The following FBXL20 variants were observed in gnomAD, a reference collection of about 807,000 sequenced individuals.
FBXL20 encodes F-box/LRR-repeat protein 20.
Under a neutral mutation model 64.0 loss-of-function variants are expected in FBXL20, and 11 were observed. That is an observed-to-expected ratio of 0.17 (90% CI 0.11 to 0.28). The LOEUF (loss-of-function observed/expected upper bound fraction) is 0.28. Ranked by LOEUF, FBXL20 falls within the 10% of genes least tolerant of loss-of-function variation. The probability of loss-of-function intolerance (pLI) is 1.00; values close to 1 mark genes in which losing one functional copy is unlikely to be tolerated. For missense variants in FBXL20, 303 were observed against 526.2 expected, an observed-to-expected ratio of 0.58 and a Z score of 4.15; for synonymous variants, 184 against 189.0, an observed-to-expected ratio of 0.97 and a Z score of 0.22.
At chr17:39,360,192 T>C (rs1249805078) in intron 1 of FBXL20, among the ~76,000 whole-genome samples, 1 of 152,068 alleles carries the variant, frequency 6.6e-6, no homozygotes, top group Non-Finnish European at 1.5e-5. Context: ...GTGAAATTCA[T>C]AAGAGAAAGG....
intron 2 of FBXL20, among the ~76,000 whole-genome samples, chr17:39,322,163 C>CAAA (rs761771926): frequency 1.3e-4 from 7 of 52,536 alleles, no homozygotes; most frequent in East Asian, 1.2e-3. Context: ...CTATCTCTAC[C>CAAA]AAAAAAAAAA....
Position 39,265,425 on chromosome 17 carries a change from G to C in FBXL20, c.962C>G (p.Ser321Cys). The C allele has an allele frequency of 6.2e-7, 1 of 1,611,814 alleles. No individual in the cohort carries two copies. The highest frequency in any genetic ancestry group is 8.5e-7 in the Non-Finnish European group (1 of 1,178,062). The change falls in exon 13 of 15, where the codon TCT becomes TGT. Residue 321 changes from serine (S) to cysteine (C), a missense_variant. Ser to Cys is a moderately radical substitution (Grantham distance 112). This residue lies in a region of FBXL20 where 246 missense variants were observed against 422.6 expected (regional missense o/e 0.58). Transcript: ENST00000264658. ...QITDSTLIQLSIHCPRLQVLS... is the reference protein window; with the variant it reads ...QITDSTLIQLCIHCPRLQVLS... ...TACTTGAAGTCGAGGACAGTGTATA[G>C]AAAGTTGGATTAATGTGCTATCTGT...
chr17:39,308,875 A>C (rs1202916945), intron 2 of FBXL20, among the ~76,000 whole-genome samples: 1 of 151,972 alleles, frequency 6.6e-6, no homozygotes, highest in African/African-American at 2.4e-5. Context: ...TACAATAAAA[A>C]ATTTTTTAAA....
chr17:39,293,376 C>T (rs1215831813), intron 6 of FBXL20, among the ~76,000 whole-genome samples: 1 of 150,730 alleles, frequency 6.6e-6, no homozygotes, highest in Non-Finnish European at 1.5e-5. Flanking sequence ...CACATGCTAC[C>T]ACGGCCTGGC....
chr17:39,398,269 G>A (rs1334985215), intron 1 of FBXL20, among the ~76,000 whole-genome samples: 2 of 152,034 alleles, frequency 1.3e-5, no homozygotes, highest in Admixed American at 6.6e-5. Flanking sequence ...ACAAGGGCAA[G>A]ATTTCATCTC....
At chr17:39,336,163 C>A (rs2047520148) in intron 2 of FBXL20, among the ~76,000 whole-genome samples, 1 of 151,954 alleles carries the variant, frequency 6.6e-6, no homozygotes, top group South Asian at 2.1e-4. Context: ...AATAGAGGAA[C>A]CAAGAACATT....
chr17:39,398,341 A>G (rs1050359393), intron 1 of FBXL20, among the ~76,000 whole-genome samples: 1 of 152,176 alleles, frequency 6.6e-6, no homozygotes, highest in Non-Finnish European at 1.5e-5. Context: ...GAGGTAAAAC[A>G]TCTGGCTCAG....
At chr17:39,377,564 G>C (rs1366507786) in intron 1 of FBXL20, among the ~76,000 whole-genome samples, 2 of 150,938 alleles carry the variant, frequency 1.3e-5, no homozygotes, top group Non-Finnish European at 2.9e-5. Flanking sequence ...GCAGTGGCGC[G>C]ATCTAGGCTC....
chr17:39,360,019 T>C, intron 1 of FBXL20, among the ~76,000 whole-genome samples: 1 of 152,262 alleles, frequency 6.6e-6, no homozygotes, highest in Middle Eastern at 3.4e-3. Flanking sequence ...ATATTAAAAT[T>C]ATGTTGTTTT....
chr17:39,330,057 T>C (rs962720908), intron 2 of FBXL20, among the ~76,000 whole-genome samples: 1 of 151,472 alleles, frequency 6.6e-6, no homozygotes, highest in Non-Finnish European at 1.5e-5. Flanking sequence ...CTTTTGGAGG[T>C]TGAAGCAAGC....
intron 1 of FBXL20, among the ~76,000 whole-genome samples, chr17:39,385,233 A>G (rs1051089380): frequency 4.6e-5 from 7 of 150,798 alleles, no homozygotes; most frequent in African/African-American, 7.3e-5. Context: ...AGAAACACAC[A>G]CGCGCGTGCG....
At chr17:39,307,263 A>G (rs890787359) in intron 2 of FBXL20, among the ~76,000 whole-genome samples, 4 of 151,252 alleles carry the variant, frequency 2.6e-5, no homozygotes, top group African/African-American at 9.8e-5. Flanking sequence ...TAAGTAAAAT[A>G]TATGAGAAAA....
At position 39,318,061 on chromosome 17, in the gene FBXL20, AT is replaced by A. The variant is rs1239447775; in HGVS notation, c.105-14423del. On this transcript the variant is annotated intron_variant, in intron 2 of 14. Coordinates refer to ENST00000264658, the MANE Select transcript of FBXL20 (RefSeq NM_032875.3). The stretch of plus-strand genomic sequence containing the variant: ...AGTAAATGGTGTTAGGAAACCTCAT[AT>A]TTGAAGAATGTAAAATCCCTGCCCT... 3.3e-5 allele frequency among the ~76,000 whole-genome samples: 5 copies of A among 152,206 alleles called. No individual in the cohort carries two copies. In the South Asian group the frequency reaches 8.3e-4, roughly 25 times the overall value.
At chr17:39,389,926 G>A (rs551606526) in intron 1 of FBXL20, among the ~76,000 whole-genome samples, 1 of 152,168 alleles carries the variant, frequency 6.6e-6, no homozygotes, top group Non-Finnish European at 1.5e-5. Flanking sequence ...TTCTGGGGGC[G>A]GAGGTAGGGT....
intron 12 of FBXL20, among the ~76,000 whole-genome samples, chr17:39,265,667 TAATTTTTTAAATTAAAAAAA>T (rs2046784277): frequency 6.6e-6 from 1 of 151,782 alleles, no homozygotes; most frequent in South Asian, 2.1e-4. Flanking sequence ...CCACCAGGAC[TAATTTTTTAAATTAAAAAAA>T]TTTTTTTTTT....
intron 10 of FBXL20, among the ~76,000 whole-genome samples, chr17:39,273,466 CACTA>C (rs2046864470): frequency 6.6e-6 from 1 of 152,152 alleles, no homozygotes; most frequent in Non-Finnish European, 1.5e-5. Context: ...CTTGTTCCTA[CACTA>C]ACTAGCTGAG....
At chr17:39,262,967 G>A (rs2338756) in intron 14 of FBXL20, among the ~76,000 whole-genome samples, 93,820 of 151,518 alleles carry the variant, frequency 0.62, 32,188 homozygotes, top group South Asian at 0.89. Flanking sequence ...ATGCCACTGC[G>A]CTCCAGCCTG....
rs1263145014 is a variant in FBXL20 at position 39,265,369 on chromosome 17, C to G, written c.990+28G>C. ...CTGGCTTTTGATTAAACCCAGTAAA[C>G]ACATAAAGTTTTCAAAGTTAAACTC... On this transcript the variant is annotated intron_variant, in intron 13 of 14. Coordinates refer to ENST00000264658, the MANE Select transcript of FBXL20 (RefSeq NM_032875.3). The G allele has an allele frequency of 1.9e-6, 3 of 1,577,294 alleles. No homozygotes were observed. In the African/African-American group the frequency reaches 4.1e-5, roughly 21 times the overall value.
At chr17:39,268,948 T>G in intron 11 of FBXL20, 77 bp from the exon 12 acceptor site, 1 of 1,222,806 alleles carries the variant, frequency 8.2e-7, no homozygotes, top group East Asian at 2.3e-5. Flanking sequence ...GACAGAAAAC[T>G]AAGAGGTAAT....
Sources: allele counts gnomAD v4.1 joint callset (sites outside exome capture counted in the v4.1 genomes callset), GRCh38; gene constraint gnomAD v4.1.1; regional missense constraint gnomAD v4.1.1; transcripts MANE v1.5; gene names NCBI Gene and HGNC (gene_info 2026-07-23, HGNC 2026-07-21).